The following KBTBD12 variants were observed in gnomAD, a reference collection of about 807,000 sequenced individuals.
KBTBD12 encodes the protein kelch repeat and BTB domain containing 12.
KBTBD12 carries 53 observed loss-of-function variants against 58.7 expected under a neutral mutation model. The observed-to-expected ratio is 0.90, with a 90% CI of 0.72 to 1.14. The LOEUF is 1.14. Among genes scored for constraint, KBTBD12 ranks in the 50% most tolerant of loss-of-function variants. The pLI is 0.00. For synonymous variants in KBTBD12, 236 were observed against 259.8 expected (o/e 0.91, Z 0.88); for missense variants, 704 against 751.3 (o/e 0.94, Z 0.74).
intron 2 of KBTBD12, among the ~76,000 whole-genome samples, chr3:127,926,932 G>A (rs956856648): frequency 1.3e-5 from 2 of 152,000 alleles, no homozygotes; most frequent in African/African-American, 4.8e-5. Context: ...CTCAGACTGT[G>A]TATCTTCAAT....
At chr3:127,944,375 T>C (rs930906120) in intron 4 of KBTBD12, among the ~76,000 whole-genome samples, 4 of 152,182 alleles carry the variant, frequency 2.6e-5, no homozygotes, top group Non-Finnish European at 4.4e-5. Context: ...TTTTATAAAG[T>C]GTTCAGTGCA....
intron 4 of KBTBD12, 121 bp from the exon 5 acceptor site, chr3:127,963,067 TG>T: frequency 1.2e-6 from 1 of 827,144 alleles, no homozygotes; most frequent in Non-Finnish European, 1.9e-6. Flanking sequence ...AGGTAGCACC[TG>T]GCAAGAAAGA....
At chr3:127,936,572 A>G (rs1939835648) in intron 4 of KBTBD12, among the ~76,000 whole-genome samples, 1 of 152,140 alleles carries the variant, frequency 6.6e-6, no homozygotes, top group Admixed American at 6.5e-5. Context: ...AAATCACTAA[A>G]TTGTACACAC....
intron 5 of KBTBD12, among the ~76,000 whole-genome samples, chr3:127,966,971 T>C (rs975489126): frequency 1.3e-5 from 2 of 152,240 alleles, no homozygotes; most frequent in Non-Finnish European, 2.9e-5. Context: ...ATGGGAAAAT[T>C]ACTTTCCACC....
At chr3:127,966,085 G>A (rs1333199910) in intron 5 of KBTBD12, among the ~76,000 whole-genome samples, 2 of 152,208 alleles carry the variant, frequency 1.3e-5, no homozygotes, top group Non-Finnish European at 2.9e-5. Flanking sequence ...AAAGGCTGAG[G>A]TTGAGGACAG....
At chr3:127,959,785 G>A (rs1940394210) in intron 4 of KBTBD12, among the ~76,000 whole-genome samples, 1 of 152,238 alleles carries the variant, frequency 6.6e-6, no homozygotes, top group African/African-American at 2.4e-5. Context: ...AACAGGTTAT[G>A]GAATTGCTGT....
intron 4 of KBTBD12, among the ~76,000 whole-genome samples, chr3:127,946,442 G>A (rs1940084728): frequency 6.6e-6 from 1 of 152,172 alleles, no homozygotes. Context: ...ACTTTAATAT[G>A]TCAGTCTATT....
chr3:127,986,133 T>C lies in KBTBD12; in HGVS notation c.*1855T>C, dbSNP rs1473330446. 1 of 152,586 alleles carries C rather than the reference T, an allele frequency of 6.6e-6. No homozygotes were observed. The highest frequency in any genetic ancestry group is 1.5e-5 in the Non-Finnish European group (1 of 68,058). 9.5% of individuals were successfully genotyped at this position (152,586 alleles called of 1,614,324 possible). On this transcript the variant is annotated 3_prime_UTR_variant, in exon 6 of 6. Transcript: ENST00000405109. ...CTGGCTCAAGGAGGCCTTGTTGGCA[T>C]GTCATGGCACATCTCCTAGATGTTT... is the stretch of plus-strand genomic sequence containing the variant.
chr3:127,945,164 C>CTTTTTTT lies in KBTBD12; in HGVS notation c.1492+14913_1492+14919dup, dbSNP rs56216317. Among the ~76,000 whole-genome samples, 211 of 28,772 alleles carry CTTTTTTT rather than the reference C, an allele frequency of 7.3e-3. 86 individuals carry two copies. The highest frequency in any genetic ancestry group is 8.8e-3 in the South Asian group (6 of 680). The allele number at this position is 28,772 out of a possible 152,430, so 18.9% of individuals were successfully genotyped here. On this transcript the variant is annotated intron_variant, in intron 4 of 5. Coordinates refer to ENST00000405109, the MANE Select transcript of KBTBD12 (RefSeq NM_207335.4). Reference sequence around the variant, plus strand: ...TGTTTTTTTTAAAAATAGTAGCTATCTTTTTTTTTTTTTTTTTTTTTTTTT... The same window carrying CTTTTTTT: ...TGTTTTTTTTAAAAATAGTAGCTATCTTTTTTTTTTTTTTTTTTTTTTTTTTTTTTTT...
In KBTBD12 at chr3:127,928,212, A is replaced by G. The variant is rs1398379479; in HGVS notation, c.1341+178A>G. ...GTGTTAAAGCAATTTAGGAGAATGG[A>G]TTTTTAAAGTGTGTTTTCATAGACA... is the stretch of plus-strand genomic sequence containing the variant. On this transcript the variant is annotated intron_variant, in intron 3 of 5. Transcript: ENST00000405109. 11 of 587,848 alleles carry G rather than the reference A, an allele frequency of 1.9e-5. No individual in the cohort carries two copies. In the East Asian group the frequency reaches 2.5e-4, roughly 13 times the overall value. 36.4% of individuals were successfully genotyped at this position (587,848 alleles called of 1,614,324 possible).
intron 4 of KBTBD12, among the ~76,000 whole-genome samples, chr3:127,945,500 A>G (rs562753788): frequency 6.6e-6 from 1 of 150,964 alleles, no homozygotes; most frequent in African/African-American, 2.4e-5. Context: ...TAACTATCTT[A>G]ATGGTGATGT....
intron 4 of KBTBD12, among the ~76,000 whole-genome samples, chr3:127,962,362 A>G (rs1290566567): frequency 2.0e-5 from 3 of 152,224 alleles, no homozygotes; most frequent in Admixed American, 2.0e-4. Context: ...TATTTTTCCA[A>G]TGGAGAGTTG....
rs1940962123 is a variant in KBTBD12, at chr3:127,986,198, TA to T, written c.*1921del. On this transcript the variant is annotated 3_prime_UTR_variant, in exon 6 of 6. Coordinates refer to ENST00000405109, the MANE Select transcript of KBTBD12 (RefSeq NM_207335.4). ...GGGTTCCAGCCCCCGCTCTGCTACT[TA>T]GCTAACCATGTGAACTTGGGCAAGA... 1 of 152,658 alleles carries T rather than the reference TA, an allele frequency of 6.6e-6. No homozygotes were observed. The highest frequency in any genetic ancestry group is 1.5e-5 in the Non-Finnish European group (1 of 68,056). The allele number at this position is 152,658 out of a possible 1,614,324, so 9.5% of individuals were successfully genotyped here. A position where few individuals can be genotyped will look rare whatever the true frequency, so the allele number is the denominator to read the frequency against.
intron 5 of KBTBD12, among the ~76,000 whole-genome samples, chr3:127,982,513 C>G (rs1191167148): frequency 6.6e-6 from 1 of 152,202 alleles, no homozygotes; most frequent in South Asian, 2.1e-4. Flanking sequence ...TGTCCACTCT[C>G]CCCTGCCTGG....
chr3:127,971,819 G>A lies in KBTBD12; in HGVS notation c.1690+8433G>A, dbSNP rs117680419. On this transcript the variant is annotated intron_variant, in intron 5 of 5. Coordinates refer to ENST00000405109, the MANE Select transcript of KBTBD12 (RefSeq NM_207335.4). Reference sequence around the variant, plus strand: ...CATCATCTTCTTTGGCTAACTTCTAGGGGACCCAAACAACATTTTCACCTT... The same window carrying A: ...CATCATCTTCTTTGGCTAACTTCTAAGGGACCCAAACAACATTTTCACCTT... 9.7e-4 allele frequency among the ~76,000 whole-genome samples: 147 copies of A among 152,232 alleles called. 3 individuals carry two copies. In the East Asian group the frequency reaches 0.024, roughly 25 times the overall value.
intron 5 of KBTBD12, among the ~76,000 whole-genome samples, chr3:127,968,236 C>T (rs975901225): frequency 2.0e-5 from 3 of 152,212 alleles, no homozygotes; most frequent in African/African-American, 7.2e-5. Context: ...CTTATAAAAT[C>T]CCAGACTCTT....
chr3:127,960,300 G>A (rs1940409918), intron 4 of KBTBD12, among the ~76,000 whole-genome samples: 1 of 152,144 alleles, frequency 6.6e-6, no homozygotes, highest in African/African-American at 2.4e-5. Flanking sequence ...AAAGAAGAGA[G>A]GCAGGCATTG....
intron 1 of KBTBD12, among the ~76,000 whole-genome samples, chr3:127,920,891 C>A (rs183919040): frequency 1.7e-3 from 256 of 151,974 alleles, no homozygotes; most frequent in Middle Eastern, 3.4e-3. Context: ...TAAATTGAAG[C>A]AGTGAGTAAC....
At chr3:127,982,746 C>T (rs1218268129) in intron 5 of KBTBD12, among the ~76,000 whole-genome samples, 1 of 152,222 alleles carries the variant, frequency 6.6e-6, no homozygotes, top group Non-Finnish European at 1.5e-5. Flanking sequence ...GCTCCCCAGA[C>T]AGCTCCCCTG....
Sources: gnomAD v4.1 joint callset for allele counts (sites outside exome capture counted in the v4.1 genomes callset) on GRCh38, gnomAD v4.1.1 for gene constraint, MANE v1.5 for transcripts, NCBI Gene and HGNC (gene_info 2026-07-23, HGNC 2026-07-21) for gene names.